The following ENTPD1 variants were observed in gnomAD, a reference collection of about 807,000 sequenced individuals.
ENTPD1 encodes ectonucleoside triphosphate diphosphohydrolase 1.
In ENTPD1, 33 loss-of-function variants were observed where a neutral mutation model predicts 57.0. That is an observed-to-expected ratio of 0.58 (90% CI 0.44 to 0.77). The LOEUF is 0.77. Among genes scored for constraint, ENTPD1 ranks in the 30% least tolerant of loss-of-function variants. The probability of loss-of-function intolerance (pLI) is 0.00; values close to 1 mark genes in which losing one functional copy is unlikely to be tolerated. For synonymous variants in ENTPD1, 202 were observed against 218.8 expected, an observed-to-expected ratio of 0.92 and a Z score of 0.68; for missense variants, 501 against 603.4, an observed-to-expected ratio of 0.83 and a Z score of 1.78.
chr10:95,807,437 G>T (rs2098277947), intron 1 of ENTPD1, among the ~76,000 whole-genome samples: 1 of 152,224 alleles, frequency 6.6e-6, no homozygotes, highest in African/African-American at 2.4e-5. Context: ...GGCTAGGAAA[G>T]GGAAATCCCC....
chr10:95,851,683 G>T (rs2098445507), intron 7 of ENTPD1, among the ~76,000 whole-genome samples: 3 of 148,596 alleles, frequency 2.0e-5, no homozygotes, highest in Non-Finnish European at 4.4e-5. Flanking sequence ...TGCAGTGTTT[G>T]TTTTTTTGTC....
upstream of ENTPD1, among the ~76,000 whole-genome samples, chr10:95,709,132 G>A (rs768154367): frequency 6.6e-6 from 1 of 152,156 alleles, no homozygotes; most frequent in Non-Finnish European, 1.5e-5. Context: ...AGTACTCAGA[G>A]CAATCCTGTG....
chr10:95,766,208 A>G (rs1249242998), intron 1 of ENTPD1, among the ~76,000 whole-genome samples: 1 of 152,182 alleles, frequency 6.6e-6, no homozygotes, highest in Admixed American at 6.5e-5. Context: ...TAAGTTGTAT[A>G]TATTATGTTC....
intron 1 of ENTPD1, among the ~76,000 whole-genome samples, chr10:95,820,478 T>G (rs1048002741): frequency 4.6e-5 from 7 of 152,138 alleles, no homozygotes; most frequent in Non-Finnish European, 1.0e-4. Flanking sequence ...CAAGAAGAAG[T>G]TAGTAAATTT....
chr10:95,850,162 C>T (rs2098442447), intron 7 of ENTPD1, among the ~76,000 whole-genome samples: 2 of 152,112 alleles, frequency 1.3e-5, no homozygotes, highest in South Asian at 4.1e-4. Context: ...CTATTTGATC[C>T]CTTAGTTCCT....
At chr10:95,743,683 ATTG>A (rs1339789319) in intron 1 of ENTPD1, among the ~76,000 whole-genome samples, 1 of 151,660 alleles carries the variant, frequency 6.6e-6, no homozygotes, top group Non-Finnish European at 1.5e-5. Context: ...GTTCTATTTT[ATTG>A]TTCAAATTAT....
At chr10:95,842,791 G>A (rs2098425344) in intron 4 of ENTPD1, among the ~76,000 whole-genome samples, 1 of 152,122 alleles carries the variant, frequency 6.6e-6, no homozygotes, top group Non-Finnish European at 1.5e-5. Flanking sequence ...TGGGGTTTGG[G>A]GCTACAGATT....
At chr10:95,706,963 T>C (rs1227219878), upstream of ENTPD1, among the ~76,000 whole-genome samples, 3 of 152,144 alleles carry the variant, frequency 2.0e-5, no homozygotes, top group Non-Finnish European at 4.4e-5. Flanking sequence ...GGTCAGGCAG[T>C]GGGAGCAGAC....
In ENTPD1 at chr10:95,871,308, GA is replaced by G; in HGVS notation, c.*4928del. The G allele has an allele frequency of 1.0e-6, 1 of 985,006 alleles. No homozygotes were observed. The highest frequency in any genetic ancestry group is 1.2e-6 in the Non-Finnish European group (1 of 829,558). 61.0% of individuals were successfully genotyped at this position (985,006 alleles called of 1,614,324 possible). On this transcript the variant is annotated 3_prime_UTR_variant, in exon 10 of 10. Coordinates refer to ENST00000371205, the MANE Select transcript of ENTPD1 (RefSeq NM_001776.6). ...AATATAATCTGTTTATCTCACCAAA[GA>G]AATATTATCTTTAAAAAATGTCATT...
At chr10:95,838,957 A>C (rs1434091849) in intron 2 of ENTPD1, among the ~76,000 whole-genome samples, 4 of 152,096 alleles carry the variant, frequency 2.6e-5, no homozygotes, top group African/African-American at 7.2e-5. Flanking sequence ...CCCTACTCGT[A>C]AAGCTAAAAA....
intron 1 of ENTPD1, among the ~76,000 whole-genome samples, chr10:95,774,686 C>T (rs1415521988): frequency 2.6e-5 from 4 of 152,192 alleles, no homozygotes; most frequent in East Asian, 3.8e-4. Context: ...TTCCACTGGT[C>T]TATCTCTCTG....
At chr10:95,828,960 C>T (rs962364445) in intron 2 of ENTPD1, among the ~76,000 whole-genome samples, 1 of 152,168 alleles carries the variant, frequency 6.6e-6, no homozygotes, top group African/African-American at 2.4e-5. Context: ...ATCTGCCCGC[C>T]TCGGCCTCCC....
At chr10:95,749,413 C>T (rs2098009465) in intron 1 of ENTPD1, among the ~76,000 whole-genome samples, 1 of 152,108 alleles carries the variant, frequency 6.6e-6, no homozygotes, top group Non-Finnish European at 1.5e-5. Context: ...ATACTTTGGC[C>T]AGTAGGAGCC....
At chr10:95,858,870 A>T (rs1352616267) in intron 7 of ENTPD1, among the ~76,000 whole-genome samples, 1 of 152,252 alleles carries the variant, frequency 6.6e-6, no homozygotes, top group Non-Finnish European at 1.5e-5. Context: ...TGTGGCCATT[A>T]GAGTGGCCCC....
the ENTPD1 span, among the ~76,000 whole-genome samples, chr10:95,706,167 T>C: frequency 2.0e-5 from 3 of 152,180 alleles, no homozygotes; most frequent in Non-Finnish European, 4.4e-5. Context: ...ATTATATTAA[T>C]TCATTTATAT....
At chr10:95,780,107 A>G (rs534902603) in intron 1 of ENTPD1, among the ~76,000 whole-genome samples, 2 of 152,288 alleles carry the variant, frequency 1.3e-5, no homozygotes, top group African/African-American at 4.8e-5. Context: ...GGAATTATAT[A>G]ATCTGCTGAG....
At position 95,871,347 on chromosome 10, in the gene ENTPD1, T is replaced by A; in HGVS notation, c.*4964T>A. 2 of 985,420 alleles carry A rather than the reference T, an allele frequency of 2.0e-6. No homozygotes were observed. Among genetic ancestry groups the A allele is most frequent in the Non-Finnish European group, 2.4e-6 (2 of 829,890 alleles). The allele number at this position is 985,420 out of a possible 1,614,324, so 61.0% of individuals were successfully genotyped here. A position where few individuals can be genotyped will look rare whatever the true frequency, so the allele number is the denominator to read the frequency against. On this transcript the variant is annotated 3_prime_UTR_variant, in exon 10 of 10. Transcript: ENST00000371205. ...AAAAAATGTCATTACTTCTAAGACATCATCAGTCTGCAACTTCTTTCCATA... is the reference window on the plus strand; with the variant it reads ...AAAAAATGTCATTACTTCTAAGACAACATCAGTCTGCAACTTCTTTCCATA...
In ENTPD1 at chr10:95,866,170, T is replaced by G. The variant is rs1263761660; in HGVS notation, c.1327-7T>G. ...AACCACAAACAGACTTTCCCCACTG[T>G]TTGCAGATCCAGGGCAGCGACGCCG... On this transcript the variant is annotated splice_polypyrimidine_tract_variant and splice_region_variant and intron_variant, in intron 9 of 9. Transcript: ENST00000371205. 1 of 1,612,368 alleles carries G rather than the reference T, an allele frequency of 6.2e-7. No homozygotes were observed. The highest frequency in any genetic ancestry group is 8.5e-7 in the Non-Finnish European group (1 of 1,179,122).
upstream of ENTPD1, among the ~76,000 whole-genome samples, chr10:95,708,414 A>G (rs2097963394): frequency 6.6e-6 from 1 of 151,884 alleles, no homozygotes; most frequent in Admixed American, 6.6e-5. Context: ...GGGTTTCACT[A>G]TGTTGGCCTG....
Sources: allele counts gnomAD v4.1 joint callset (sites outside exome capture counted in the v4.1 genomes callset), GRCh38; gene constraint gnomAD v4.1.1; transcripts MANE v1.5; gene names NCBI Gene and HGNC (gene_info 2026-07-23, HGNC 2026-07-21).